LMF1: variants seen among roughly 807,000 people sequenced by gnomAD.
LMF1 encodes the protein lipase maturation factor 1.
In LMF1, 68 loss-of-function variants were observed where a neutral mutation model predicts 60.6. The observed-to-expected ratio is 1.12, with a 90% confidence interval of 0.92 to 1.37. The LOEUF is 1.37. Among genes scored for constraint, LMF1 ranks in the 40% most tolerant of loss-of-function variants. The pLI, the probability that LMF1 is intolerant of heterozygous loss-of-function variation, is 0.00. For synonymous variants in LMF1, 418 were observed against 324.7 expected, an observed-to-expected ratio of 1.29 and a Z score of -3.09; for missense variants, 948 against 767.2, an observed-to-expected ratio of 1.24 and a Z score of -2.78.
intron 5 of LMF1, among the ~76,000 whole-genome samples, chr16:891,773 T>C (rs2070496357): frequency 1.3e-5 from 2 of 152,238 alleles, no homozygotes; most frequent in African/African-American, 2.4e-5. Flanking sequence ...CTGGACCTTA[T>C]TGAGGGCAGG....
rs75476513 is a variant in LMF1 at position 854,301 on chromosome 16, G to A, written c.*231C>T. ...TGGATGGGAGATCAGAGCCCCTGGC[G>A]CCTGGGACAAGGGTTGGCCTGGATG... On this transcript the variant is annotated 3_prime_UTR_variant, in exon 11 of 11. Coordinates refer to ENST00000262301, the MANE Select transcript of LMF1 (RefSeq NM_022773.4). The A allele has an allele frequency of 8.7e-6, 6 of 686,536 alleles. No individual in the cohort carries two copies. Among genetic ancestry groups the A allele is most frequent in the Middle Eastern group, 3.7e-4 (1 of 2,682 alleles). 42.5% of individuals were successfully genotyped at this position (686,536 alleles called of 1,614,324 possible).
intron 1 of LMF1, among the ~76,000 whole-genome samples, chr16:970,358 C>T (rs1327241025): frequency 6.6e-6 from 1 of 152,162 alleles, no homozygotes; most frequent in South Asian, 2.1e-4. Context: ...AGGAGCGCCT[C>T]GCCTCTCCAG....
chr16:943,370 CA>C (rs34995293), intron 2 of LMF1, among the ~76,000 whole-genome samples: 1,798 of 97,010 alleles, frequency 0.019, 19 homozygotes, highest in South Asian at 0.1. Context: ...GACTCCATCT[CA>C]AAAAAAAAAA....
At chr16:855,765 G>A (rs907209567) in intron 10 of LMF1, 8 of 455,920 alleles carry the variant, frequency 1.8e-5, no homozygotes, top group African/African-American at 1.4e-4. Context: ...GGTGCCAGAG[G>A]CTTCACACTG....
At chr16:893,375 T>G in intron 4 of LMF1, 1 of 511,262 alleles carries the variant, frequency 2.0e-6, no homozygotes, top group Non-Finnish European at 3.8e-6. Flanking sequence ...GCTACAGAAG[T>G]TGCGTGTCTT....
intron 3 of LMF1, among the ~76,000 whole-genome samples, chr16:920,023 C>T (rs2071391123): frequency 6.6e-6 from 1 of 151,868 alleles, no homozygotes; most frequent in South Asian, 2.1e-4. Flanking sequence ...CCCAGCACAA[C>T]ATCTGCACCG....
intron 5 of LMF1, among the ~76,000 whole-genome samples, chr16:884,510 G>T (rs2070251822): frequency 6.6e-6 from 1 of 152,244 alleles, no homozygotes; most frequent in Non-Finnish European, 1.5e-5. Context: ...TTGACAAGCT[G>T]AAAGAACTTG....
intron 3 of LMF1, among the ~76,000 whole-genome samples, chr16:921,577 G>T (rs2071432657): frequency 1.3e-5 from 2 of 152,248 alleles, no homozygotes; most frequent in South Asian, 4.1e-4. Context: ...GAGTGGGGAT[G>T]ACGGGACTTT....
intron 5 of LMF1, among the ~76,000 whole-genome samples, chr16:892,455 C>CAGGGG (rs2070518208): frequency 6.6e-6 from 1 of 152,192 alleles, no homozygotes; most frequent in Non-Finnish European, 1.5e-5. Flanking sequence ...GGCCCCAGAC[C>CAGGGG]ACTCCCAGCC....
At chr16:954,738 G>C (rs2072628460) in intron 1 of LMF1, 72 bp from the exon 2 acceptor site, 1 of 1,439,432 alleles carries the variant, frequency 6.9e-7, no homozygotes, top group Non-Finnish European at 9.3e-7. Flanking sequence ...GCGCAGCTCA[G>C]AATGCGGGGC....
intron 1 of LMF1, among the ~76,000 whole-genome samples, chr16:969,930 T>A (rs2073005689): frequency 6.6e-6 from 1 of 152,212 alleles, no homozygotes; most frequent in African/African-American, 2.4e-5. Flanking sequence ...CAGCTGCCCC[T>A]GGCCAGGGGA....
At chr16:931,832 G>C in intron 3 of LMF1, 1 of 1,272,680 alleles carries the variant, frequency 7.9e-7, no homozygotes. Context: ...AGGCTCACGA[G>C]GGCTCTCAGG....
intron 1 of LMF1, among the ~76,000 whole-genome samples, chr16:963,029 G>T (rs545310860): frequency 6.6e-6 from 1 of 152,182 alleles, no homozygotes; most frequent in Non-Finnish European, 1.5e-5. Context: ...TCCAAGTGAG[G>T]AGGAAGAGGG....
At chr16:953,174 C>G (rs1458309868) in intron 2 of LMF1, among the ~76,000 whole-genome samples, 1 of 130,698 alleles carries the variant, frequency 7.7e-6, no homozygotes, top group Non-Finnish European at 1.7e-5. Flanking sequence ...CACGTCCACA[C>G]AGACACCCCA....
At chr16:921,951 C>T (rs1286980592) in intron 3 of LMF1, among the ~76,000 whole-genome samples, 1 of 152,126 alleles carries the variant, frequency 6.6e-6, no homozygotes, top group Admixed American at 6.5e-5. Context: ...TAGGCTTAGC[C>T]GCTGAGAGGT....
At chr16:924,997 T>C (rs987043314) in intron 3 of LMF1, among the ~76,000 whole-genome samples, 2 of 150,494 alleles carry the variant, frequency 1.3e-5, no homozygotes, top group Non-Finnish European at 3.0e-5. Flanking sequence ...CAGCGGGGGG[T>C]GGAGGGGAGG....
rs1421975260 is a variant in LMF1, at chr16:878,484, A to G, written c.897+1086T>C. 6.6e-6 allele frequency among the ~76,000 whole-genome samples: 1 copy of G among 152,194 alleles called. No homozygotes were observed. The highest frequency in any genetic ancestry group is 1.5e-5 in the Non-Finnish European group (1 of 68,032). On this transcript the variant is annotated intron_variant, in intron 6 of 10. Transcript: ENST00000262301. This position sits in a 1 kb window ranked among gnomAD's most constrained non-coding sequence, Gnocchi z 5.2. ...TGAATCACAGGCCTGCTCACGATAC[A>G]GTAGCGCCCTTGAAAATACATCCAC... is the stretch of plus-strand genomic sequence containing the variant.
chr16:885,372 C>T (rs1474473758), intron 5 of LMF1, among the ~76,000 whole-genome samples: 1 of 152,190 alleles, frequency 6.6e-6, no homozygotes, highest in African/African-American at 2.4e-5. Flanking sequence ...CGCAAGACAA[C>T]AGGCTGAAAC....
At chr16:885,140 C>A (rs1263034649) in intron 5 of LMF1, 1 of 152,228 alleles carries the variant, frequency 6.6e-6, no homozygotes, top group Non-Finnish European at 1.5e-5. Flanking sequence ...AAAATTCTTT[C>A]AGCATTTATG....
Sources: gnomAD v4.1 joint callset for allele counts (sites outside exome capture counted in the v4.1 genomes callset) on GRCh38, gnomAD v4.1.1 for gene constraint, Gnocchi (gnomAD v3.1) non-coding constraint, MANE v1.5 for transcripts, NCBI Gene and HGNC (gene_info 2026-07-23, HGNC 2026-07-21) for gene names.